Variants in CEACAM6 observed in about 807,000 individuals in gnomAD.
CEACAM6 encodes cell adhesion molecule CEACAM6.
In CEACAM6, 21 loss-of-function variants were observed where a neutral mutation model predicts 32.4. The observed-to-expected ratio is 0.65, with a 90% confidence interval of 0.46 to 0.93. CEACAM6 has a LOEUF of 0.93. Ranked by LOEUF, CEACAM6 falls within the 40% of genes least tolerant of loss-of-function variation. The pLI, the probability that CEACAM6 is intolerant of heterozygous loss-of-function variation, is 0.00. For missense variants in CEACAM6, 406 were observed against 432.2 expected, an observed-to-expected ratio of 0.94 and a Z score of 0.54; for synonymous variants, 184 against 174.4, an observed-to-expected ratio of 1.06 and a Z score of -0.43.
At chr19:41,758,925 C>T (rs1257489647) in intron 2 of CEACAM6, among the ~76,000 whole-genome samples, 1 of 152,216 alleles carries the variant, frequency 6.6e-6, no homozygotes, top group African/African-American at 2.4e-5. Context: ...TGAGCTTCCA[C>T]TGTGTCCCCA....
Position 41,757,171 on chromosome 19 carries a change from G to A in CEACAM6, c.424+212G>A, listed in dbSNP as rs186654825. ...AGACCCTGCAGACACTCGCTGCAGA[G>A]GAAGGACAGTCTGATGGGGGGACTC... On this transcript the variant is annotated intron_variant, in intron 2 of 5. Transcript: ENST00000199764. Among the ~76,000 whole-genome samples the A allele has an allele frequency of 3.1e-4, 47 of 152,256 alleles. No individual in the cohort carries two copies. In the East Asian group the frequency reaches 8.3e-3, roughly 27 times the overall value.
chr19:41,761,628 C>T, intron 3 of CEACAM6, 101 bp downstream of exon 3: 1 of 1,553,058 alleles, frequency 6.4e-7, no homozygotes, highest in Non-Finnish European at 8.7e-7. Flanking sequence ...GACTCAGACC[C>T]TCACCCAGGC....
intron 5 of CEACAM6, among the ~76,000 whole-genome samples, chr19:41,768,933 G>A (rs1007980817): frequency 7.2e-5 from 11 of 152,090 alleles, no homozygotes; most frequent in Admixed American, 1.3e-4. Flanking sequence ...TTGTTTGGTG[G>A]GGGGGTTGTT....
rs782778553 is a variant in CEACAM6 at position 41,762,075 on chromosome 19, T to C, written c.810T>C (p.Ser270=). The C allele has an allele frequency of 4.3e-6, 7 of 1,614,206 alleles. No homozygotes were observed. The highest frequency in any genetic ancestry group is 5.9e-6 in the Non-Finnish European group (7 of 1,180,032). The change falls in exon 4 of 6, where the codon TCT becomes TCC. Residue 270 remains serine (S), a synonymous_variant. Transcript: ENST00000199764. Reference sequence around the variant, plus strand: ...CCTCTAACCCACCTGCACAGTACTCTTGGTTTATCAATGGGACGTTCCAGC... The same window carrying C: ...CCTCTAACCCACCTGCACAGTACTCCTGGTTTATCAATGGGACGTTCCAGC... ...HAASNPPAQY[S]WFINGTFQQS... is the part of the protein sequence containing the mutation.
Position 41,767,849 on chromosome 19 carries a change from A to T in CEACAM6, c.*40+1550A>T, listed in dbSNP as rs1380763558. ...TCAGTAATCTAACTGAGAAACAGAAACTAAAAGGAAAAGCCGCCTTATTTG... is the reference window on the plus strand; with the variant it reads ...TCAGTAATCTAACTGAGAAACAGAATCTAAAAGGAAAAGCCGCCTTATTTG... On this transcript the variant is annotated intron_variant, in intron 5 of 5. Transcript: ENST00000199764. Among the ~76,000 whole-genome samples the T allele has an allele frequency of 8.5e-5, 13 of 152,168 alleles. No individual in the cohort carries two copies. In the East Asian group the frequency reaches 2.3e-3, roughly 27 times the overall value.
intron 3 of CEACAM6, 27 bp downstream of exon 3, chr19:41,761,554 C>T (rs1285960496): frequency 1.2e-6 from 2 of 1,609,716 alleles, no homozygotes; most frequent in Admixed American, 1.7e-5. Context: ...CCTCTGTGGC[C>T]CAGGCTGCCA....
intron 4 of CEACAM6, 80 bp downstream of exon 4, chr19:41,762,303 T>C: frequency 6.5e-7 from 1 of 1,534,648 alleles, no homozygotes. Context: ...AGAAATTTTC[T>C]TTCCCAACCT....
At chr19:41,759,572 A>G (rs11878734) in intron 2 of CEACAM6, among the ~76,000 whole-genome samples, 16,692 of 152,144 alleles carry the variant, frequency 0.11, 2,282 homozygotes, top group East Asian at 0.4. Flanking sequence ...TCTCTACTCA[A>G]GGAGTTGCTA....
Position 41,766,281 on chromosome 19 carries a change from A to G in CEACAM6, c.*22A>G, listed in dbSNP as rs781831670. 8 of 1,553,884 alleles carry G rather than the reference A, an allele frequency of 5.1e-6. No homozygotes were observed. The highest frequency in any genetic ancestry group is 7.0e-6 in the Non-Finnish European group (8 of 1,145,410). ...ATAGCAGCCCTGGTGTATTTTCGAT[A>G]TTTCAGGAAGACTGGCAGGTATGAT... is the stretch of plus-strand genomic sequence containing the variant. On this transcript the variant is annotated 3_prime_UTR_variant, in exon 5 of 6. Transcript: ENST00000199764.
chr19:41,756,814 C>A lies in CEACAM6; in HGVS notation c.279C>A (p.Pro93=). The A allele has an allele frequency of 8.1e-6, 13 of 1,614,132 alleles. No individual in the cohort carries two copies. The highest frequency in any genetic ancestry group is 1.0e-5 in the Non-Finnish European group (12 of 1,180,024). ...VIGTQQATPG[P]AYSGRETIYP... ...GAACTCAACAAGCTACCCCAGGGCC[C>A]GCATACAGTGGTCGAGAGACAATAT... Residue 93 remains proline, a synonymous_variant, in exon 2 of 6, where the codon CCC becomes CCA. Transcript: ENST00000199764.
At chr19:41,765,933 G>A (rs1359566995) in intron 4 of CEACAM6, among the ~76,000 whole-genome samples, 1 of 152,144 alleles carries the variant, frequency 6.6e-6, no homozygotes, top group Non-Finnish European at 1.5e-5. Context: ...TGCAAAAATA[G>A]CAATCAGACT....
rs782053323 is a variant in CEACAM6, at chr19:41,756,699, C to T, written c.164C>T (p.Ala55Val). ...GAGGGGAAGGAGGTTCTTCTACTCGCCCACAACCTGCCCCAGAATCGTATT... is the reference window on the plus strand; with the variant it reads ...GAGGGGAAGGAGGTTCTTCTACTCGTCCACAACCTGCCCCAGAATCGTATT... ...VAEGKEVLLL[A>V]HNLPQNRIGY... is the part of the protein sequence containing the mutation. Residue 55 changes from alanine to valine, a missense_variant, in exon 2 of 6, where the codon GCC (alanine) becomes GTC (valine). Ala to Val is a moderately conservative substitution (Grantham distance 64, BLOSUM62 0). Transcript: ENST00000199764. 7 of 1,614,012 alleles carry T rather than the reference C, an allele frequency of 4.3e-6. No individual in the cohort carries two copies. The Admixed American group carries it at 1.0e-4, about 23-fold the overall frequency.
chr19:41,770,753 G>A (rs1429743404), intron 5 of CEACAM6, 49 bp from the exon 6 acceptor site: 1 of 152,160 alleles, frequency 6.6e-6, no homozygotes, highest in African/African-American at 2.4e-5. Flanking sequence ...CACCTGTTAT[G>A]ACATCACAGC....
In CEACAM6 at chr19:41,755,676, TC is replaced by T. The variant is rs2072880508; in HGVS notation, c.42del (p.Trp15GlyfsTer11). 1 of 1,606,096 alleles carries T rather than the reference TC, an allele frequency of 6.2e-7. No homozygotes were observed. The highest frequency in any genetic ancestry group is 2.3e-5 in the East Asian group (1 of 44,260). ...PPSAPPCRLH[V>X]PWKEVLLTAS... Reference sequence around the variant, plus strand: ...TCAGCCCCTCCCTGCAGATTGCATGTCCCCTGGAAGGAGGTCCTGCTCACAG... The same window carrying T: ...TCAGCCCCTCCCTGCAGATTGCATGTCCCTGGAAGGAGGTCCTGCTCACAG... On this transcript the variant is annotated frameshift_variant, in exon 1 of 6. Coordinates refer to ENST00000199764, the MANE Select transcript of CEACAM6 (RefSeq NM_002483.7). LOFTEE classifies it high-confidence loss of function.
intron 5 of CEACAM6, among the ~76,000 whole-genome samples, chr19:41,768,628 CG>C (rs2072971349): frequency 1.3e-5 from 2 of 149,370 alleles, no homozygotes; most frequent in South Asian, 4.3e-4. Context: ...ACCTCCCAGA[CG>C]GGGTGGTGGC....
chr19:41,764,837 A>G (rs1004926408), intron 4 of CEACAM6, among the ~76,000 whole-genome samples: 1 of 151,920 alleles, frequency 6.6e-6, no homozygotes, highest in Non-Finnish European at 1.5e-5. Context: ...TGTTGATTTG[A>G]GGTCTCTCTT....
chr19:41,762,675 G>A lies in CEACAM6; in HGVS notation c.958+452G>A, dbSNP rs530992379. ...CTTTTTCCTTAAATGAGAAGAGGAA[G>A]CCCCTTGGGTGATGGAGGAGCAGCT... is the stretch of plus-strand genomic sequence containing the variant. On this transcript the variant is annotated intron_variant, in intron 4 of 5. Coordinates refer to ENST00000199764, the MANE Select transcript of CEACAM6 (RefSeq NM_002483.7). Among the ~76,000 whole-genome samples the A allele has an allele frequency of 7.4e-4, 113 of 152,262 alleles. 1 individual carries two copies. The highest frequency in any genetic ancestry group is 2.6e-3 in the African/African-American group (107 of 41,540).
Position 41,756,480 on chromosome 19 carries a change from A to G in CEACAM6, c.65-120A>G, listed in dbSNP as rs1399885798. 3 of 1,450,708 alleles carry G rather than the reference A, an allele frequency of 2.1e-6. No individual in the cohort carries two copies. In the Admixed American group the frequency reaches 6.6e-5, roughly 32 times the overall value. The allele number at this position is 1,450,708 out of a possible 1,614,324, so 89.9% of individuals were successfully genotyped here. On this transcript the variant is annotated intron_variant, in intron 1 of 5. Coordinates refer to ENST00000199764, the MANE Select transcript of CEACAM6 (RefSeq NM_002483.7). ...CACACACACACACACACACACACAC[A>G]CACACACACACACGCTCCAACGTGG... is the stretch of plus-strand genomic sequence containing the variant.
chr19:41,766,737 T>A (rs1258561281), intron 5 of CEACAM6, among the ~76,000 whole-genome samples: 4 of 152,130 alleles, frequency 2.6e-5, no homozygotes, highest in Non-Finnish European at 5.9e-5. Context: ...CCAGGCACAG[T>A]GGCTTATGCC....
Sources: allele counts gnomAD v4.1 joint callset (sites outside exome capture counted in the v4.1 genomes callset), GRCh38; gene constraint gnomAD v4.1.1; transcripts MANE v1.5; gene names NCBI Gene and HGNC (gene_info 2026-07-23, HGNC 2026-07-21).